AIFM3: variants seen among roughly 807,000 people sequenced by gnomAD.
AIFM3 encodes AIF family member 3.
Under a neutral mutation model 82.7 loss-of-function variants are expected in AIFM3, and 71 were observed. The ratio of observed to expected loss-of-function variants is 0.86; its 90% CI spans 0.71 to 1.05. The LOEUF (loss-of-function observed/expected upper bound fraction) is 1.05. AIFM3 is among the 50% of genes least tolerant of loss of function. The pLI is 0.00. For synonymous variants in AIFM3, 337 were observed against 329.1 expected, an observed-to-expected ratio of 1.02 and a Z score of -0.26; for missense variants, 748 against 816.7, an observed-to-expected ratio of 0.92 and a Z score of 1.03.
rs777012631 is a variant in AIFM3, at chr22:20,974,287, C to G, written c.501C>G (p.Ala167=). 7.4e-6 allele frequency: 12 copies of G among 1,613,532 alleles called. No homozygotes were observed. Among genetic ancestry groups the G allele is most frequent in the Non-Finnish European group, 1.0e-5 (12 of 1,179,972 alleles). The change falls in exon 6 of 21, where the codon GCC becomes GCG. Residue 167 remains alanine (A), a synonymous_variant. Coordinates refer to ENST00000440238, the MANE Select transcript of AIFM3 (RefSeq NM_001386814.1). The stretch of plus-strand genomic sequence containing the variant: ...AGAAGGAGAAGGTGTACGTCCGGGC[C>G]AGCAAGCAGGTGAGGGGATAGCTCG... ...KIEKEKVYVR[A]SKQALQLQRR...
chr22:20,980,648 G>C (rs1924043551), intron 19 of AIFM3, 99 bp from the exon 20 acceptor site: 2 of 1,532,542 alleles, frequency 1.3e-6, no homozygotes, highest in Non-Finnish European at 1.8e-6. Flanking sequence ...ACAGGGGCAG[G>C]CTTCAGGCTG....
At chr22:20,973,712 T>C in intron 3 of AIFM3, 46 bp from the exon 4 acceptor site, 2 of 1,483,696 alleles carry the variant, frequency 1.3e-6, no homozygotes, top group Non-Finnish European at 1.8e-6. Flanking sequence ...TGCCAGGAGG[T>C]TGTGCCTGGT....
chr22:20,981,028 C>T lies in AIFM3; in HGVS notation c.1815C>T (p.Ser605=). The change falls in exon 21 of 21, where the codon TCC becomes TCT. Residue 605 remains serine (S), a synonymous_variant. Transcript: ENST00000440238. Reference sequence around the variant, plus strand: ...TGTCCTGGCTTACGGGGAAAGGATCCTGAGCTCACATGCAGTAGACTTGGG... The same window carrying T: ...TGTCCTGGCTTACGGGGAAAGGATCTTGAGCTCACATGCAGTAGACTTGGG... ...GDMSWLTGKG[S] 6.2e-7 allele frequency: 1 copy of T among 1,614,172 alleles called. No homozygotes were observed. Among genetic ancestry groups the T allele is most frequent in the South Asian group, 1.1e-5 (1 of 91,078 alleles).
At chr22:20,973,182 TG>T in intron 2 of AIFM3, 124 bp from the exon 3 acceptor site, 1 of 1,112,130 alleles carries the variant, frequency 9.0e-7, no homozygotes, top group Non-Finnish European at 1.3e-6. Flanking sequence ...GAGGGAATTC[TG>T]GGGAGGTTGC....
chr22:20,969,803 AT>A, intron 2 of AIFM3, among the ~76,000 whole-genome samples: 1 of 152,146 alleles, frequency 6.6e-6, no homozygotes. Flanking sequence ...CAGGTCAGGC[AT>A]GAGGCTCAGG....
rs772043426 is a variant in AIFM3 at position 20,973,539 on chromosome 22, TGG to T, written c.245+21_245+22del. On this transcript the variant is annotated intron_variant, in intron 3 of 20. Transcript: ENST00000440238. ...ATGGCCAGTGGGTTCTGGGCTTGCC[TGG>T]GAGCGGGGATCAGGGGTCCCAAGGT... The T allele has an allele frequency of 6.3e-7, 1 of 1,584,276 alleles. No homozygotes were observed.
rs2147941461 is a variant in AIFM3 at position 20,973,863 on chromosome 22, GA to G, written c.354del (p.Gly119AlafsTer38). 1 of 1,535,308 alleles carries G rather than the reference GA, an allele frequency of 6.5e-7. No homozygotes were observed. Among genetic ancestry groups the G allele is most frequent in the Non-Finnish European group, 8.8e-7 (1 of 1,137,738 alleles). ...KCPHYGAPLV[K>X]GVLSRGRVRC... is the part of the protein sequence containing the mutation. ...GTCCGCACTACGGCGCACCCCTGGTGAAAGGTGAGCTGTCAGGTGGGAGGCG... is the reference window on the plus strand; with the variant it reads ...GTCCGCACTACGGCGCACCCCTGGTGAAGGTGAGCTGTCAGGTGGGAGGCG... On this transcript the variant is annotated frameshift_variant, in exon 4 of 21. Transcript: ENST00000440238. LOFTEE classifies it high-confidence loss of function.
At chr22:20,968,026 C>T (rs1439043566) in intron 2 of AIFM3, 51 bp downstream of exon 2, 1 of 1,474,998 alleles carries the variant, frequency 6.8e-7, no homozygotes, top group Non-Finnish European at 9.0e-7. Context: ...CCCGCCTCCT[C>T]CTCCCCCGTC....
chr22:20,974,833 A>C lies in AIFM3; in HGVS notation c.720+17A>C. ...CTCAGCAAGGTACAGGGGGTGGGGC[A>C]AGTAGGGACCCTATCCCTCTGGGTC... On this transcript the variant is annotated intron_variant, in intron 8 of 20. Coordinates refer to ENST00000440238, the MANE Select transcript of AIFM3 (RefSeq NM_001386814.1). 3.1e-6 allele frequency: 5 copies of C among 1,610,548 alleles called. No individual in the cohort carries two copies. The highest frequency in any genetic ancestry group is 4.2e-6 in the Non-Finnish European group (5 of 1,178,814).
chr22:20,975,849 G>A, intron 9 of AIFM3, 71 bp downstream of exon 9: 4 of 1,547,052 alleles, frequency 2.6e-6, no homozygotes, highest in Non-Finnish European at 3.5e-6. Flanking sequence ...TGGGCCCCTG[G>A]GGTGGGGTCT....
In AIFM3 at chr22:20,976,780, A is replaced by C; in HGVS notation, c.1146+14A>C. 1 of 1,610,686 alleles carries C rather than the reference A, an allele frequency of 6.2e-7. No individual in the cohort carries two copies. The highest frequency in any genetic ancestry group is 8.5e-7 in the Non-Finnish European group (1 of 1,178,220). ...GCCCTCATGAAGGTGAGCCCACCCC[A>C]GCACCCAGTGCCTTGGAGCCCTGGG... is the stretch of plus-strand genomic sequence containing the variant. On this transcript the variant is annotated intron_variant, in intron 12 of 20. Transcript: ENST00000440238.
In AIFM3 at chr22:20,974,726, A is replaced by G; in HGVS notation, c.630A>G (p.Ala210=). The G allele has an allele frequency of 1.2e-6, 2 of 1,614,008 alleles. No individual in the cohort carries two copies. Among genetic ancestry groups the G allele is most frequent in the Non-Finnish European group, 1.7e-6 (2 of 1,179,970 alleles). Residue 210 remains alanine (A), a synonymous_variant, in exon 8 of 21, where the codon GCA becomes GCG. Transcript: ENST00000440238. ...CAGGTGCAGCTGGCCTGGTGTGTGCAGAGACACTGCGGCAGGAGGGCTTCT... is the reference window on the plus strand; with the variant it reads ...CAGGTGCAGCTGGCCTGGTGTGTGCGGAGACACTGCGGCAGGAGGGCTTCT... ...VGAGAAGLVC[A]ETLRQEGFSD...
intron 17 of AIFM3, 34 bp downstream of exon 17, chr22:20,979,403 A>C (rs766947372): frequency 1.6e-5 from 9 of 569,958 alleles, no homozygotes; most frequent in South Asian, 6.2e-5. Flanking sequence ...GGCGGGGCCG[A>C]GGGCGTTTAG....
At chr22:20,965,401 C>G (rs529139613), upstream of AIFM3, 5 of 152,216 alleles carry the variant, frequency 3.3e-5, no homozygotes, top group Admixed American at 2.6e-4. Context: ...TCGTCCTTCT[C>G]TCGTCCCACA....
Position 20,979,262 on chromosome 22 carries a change from G to A in AIFM3, c.1478-9G>A, listed in dbSNP as rs1473743386. On this transcript the variant is annotated splice_polypyrimidine_tract_variant and intron_variant, in intron 16 of 20. Transcript: ENST00000440238. ...AGAGTTAGGGTTCTCACGGCCCTGG[G>A]TCCCGCAGGGCGCGTGGCAGCCCAG... 2 of 1,553,152 alleles carry A rather than the reference G, an allele frequency of 1.3e-6. No homozygotes were observed. Among genetic ancestry groups the A allele is most frequent in the South Asian group, 2.4e-5 (2 of 84,196 alleles).
chr22:20,979,596 C>T, intron 17 of AIFM3, 31 bp from the exon 18 acceptor site: 1 of 1,612,636 alleles, frequency 6.2e-7, no homozygotes. Context: ...CCCCGGCTCA[C>T]GTGGGTGCCA....
upstream of AIFM3, among the ~76,000 whole-genome samples, chr22:20,966,260 C>G (rs573525011): frequency 7.5e-5 from 10 of 133,530 alleles, no homozygotes; most frequent in Middle Eastern, 3.9e-3. Flanking sequence ...TGAACCAGGG[C>G]TGAAACCAGG....
intron 2 of AIFM3, among the ~76,000 whole-genome samples, chr22:20,969,620 G>A (rs940412733): frequency 1.2e-4 from 18 of 152,230 alleles, no homozygotes; most frequent in African/African-American, 3.9e-4. Flanking sequence ...TAGTAGAGAC[G>A]GGGTTTCACC....
Position 20,980,038 on chromosome 22 carries a change from C to T in AIFM3, c.1671C>T (p.Ala557=), listed in dbSNP as rs150768856. ...AFYTKGDEVI[A]VASMNYDPIV... ...CTTGCAGAGGCGACGAGGTGATCGC[C>T]GTGGCCAGCATGAACTACGATCCCA... Residue 557 remains alanine (A), a synonymous_variant, in exon 19 of 21, where the codon GCC becomes GCT. Coordinates refer to ENST00000440238, the MANE Select transcript of AIFM3 (RefSeq NM_001386814.1). 1.3e-5 allele frequency: 21 copies of T among 1,611,066 alleles called. No individual in the cohort carries two copies. Among genetic ancestry groups the T allele is most frequent in the Middle Eastern group, 1.6e-4 (1 of 6,082 alleles).
Sources: allele counts gnomAD v4.1 joint callset (sites outside exome capture counted in the v4.1 genomes callset), GRCh38; gene constraint gnomAD v4.1.1; transcripts MANE v1.5; gene names NCBI Gene and HGNC (gene_info 2026-07-23, HGNC 2026-07-21).